ANO2: variants seen among roughly 807,000 people sequenced by gnomAD.
ANO2 encodes the protein anoctamin-2.
ANO2 carries 101 observed loss-of-function variants against 124.2 expected under a neutral mutation model. The ratio of observed to expected loss-of-function variants is 0.81; its 90% CI spans 0.69 to 0.96. The LOEUF (loss-of-function observed/expected upper bound fraction) is 0.96, where lower values mean the gene tolerates loss of function less well. ANO2 is among the 40% of genes least tolerant of loss of function. The pLI is 0.00. For missense variants in ANO2, 1,293 were observed against 1,274.5 expected, an observed-to-expected ratio of 1.01 and a Z score of -0.22; for synonymous variants, 486 against 482.5, an observed-to-expected ratio of 1.01 and a Z score of -0.09.
At chr12:5,759,721 C>T (rs1951685338) in intron 10 of ANO2, among the ~76,000 whole-genome samples, 1 of 151,344 alleles carries the variant, frequency 6.6e-6, no homozygotes, top group Admixed American at 6.6e-5. Context: ...AATTATCTTC[C>T]ACGAAACTGA....
chr12:5,580,061 A>G (rs1158842101), intron 20 of ANO2, among the ~76,000 whole-genome samples: 11 of 152,266 alleles, frequency 7.2e-5, no homozygotes, highest in Non-Finnish European at 1.3e-4. Context: ...GGTTCAGTAC[A>G]TATTTGCTGA....
At chr12:5,876,759 A>C (rs995801398) in intron 3 of ANO2, among the ~76,000 whole-genome samples, 2 of 152,194 alleles carry the variant, frequency 1.3e-5, no homozygotes, top group Admixed American at 1.3e-4. Context: ...GTTCTCACTC[A>C]TAAGTGGGAG....
intron 20 of ANO2, among the ~76,000 whole-genome samples, chr12:5,592,866 C>T (rs1009208341): frequency 1.1e-4 from 16 of 152,192 alleles, no homozygotes; most frequent in African/African-American, 3.9e-4. Context: ...AGTCCACAGG[C>T]GTTCCTCCTG....
intron 14 of ANO2, among the ~76,000 whole-genome samples, chr12:5,717,559 C>G (rs1219094694): frequency 6.6e-6 from 1 of 152,204 alleles, no homozygotes; most frequent in African/African-American, 2.4e-5. Context: ...ACGTAAGTAA[C>G]TTAACATCCT....
chr12:5,691,277 G>A lies in ANO2; in HGVS notation c.1545+41243C>T, dbSNP rs536315152. On this transcript the variant is annotated intron_variant, in intron 14 of 24. Coordinates refer to ENST00000682330, the MANE Select transcript of ANO2 (RefSeq NM_001364791.2). ...TGGGAGGCGGAGGTTGCAGTGAGCCGAGATCGCACCATTGCACTCCAGCCT... is the reference window on the plus strand; with the variant it reads ...TGGGAGGCGGAGGTTGCAGTGAGCCAAGATCGCACCATTGCACTCCAGCCT... Among the ~76,000 whole-genome samples the A allele has an allele frequency of 9.4e-5, 13 of 138,192 alleles. No homozygotes were observed. In the East Asian group the frequency reaches 1.7e-3, roughly 18 times the overall value. The allele number at this position is 138,192 out of a possible 152,430, so 90.7% of individuals were successfully genotyped here. A position where few individuals can be genotyped will look rare whatever the true frequency, so the allele number is the denominator to read the frequency against.
intron 14 of ANO2, among the ~76,000 whole-genome samples, chr12:5,717,691 C>G (rs759885629): frequency 2.0e-4 from 31 of 152,114 alleles, no homozygotes; most frequent in Non-Finnish European, 2.2e-4. Flanking sequence ...GGAATGACAG[C>G]GCATCATTCT....
chr12:5,640,259 G>C (rs1294669491), intron 15 of ANO2, among the ~76,000 whole-genome samples: 1 of 152,186 alleles, frequency 6.6e-6, no homozygotes. Flanking sequence ...CTAGGTTCAA[G>C]CACAGGGGTG....
chr12:5,572,929 A>G (rs1232421853), intron 23 of ANO2, among the ~76,000 whole-genome samples: 1 of 152,190 alleles, frequency 6.6e-6, no homozygotes, highest in African/African-American at 2.4e-5. Flanking sequence ...GACAACTATC[A>G]GAGCCTTATA....
At chr12:5,638,237 C>CTTTCTTTTT (rs1946127442) in intron 15 of ANO2, among the ~76,000 whole-genome samples, 2 of 124,868 alleles carry the variant, frequency 1.6e-5, no homozygotes, top group South Asian at 2.7e-4. Flanking sequence ...GTTTCTTTTC[C>CTTTCTTTTT]TTTTTTTTTT....
intron 1 of ANO2, among the ~76,000 whole-genome samples, chr12:5,928,652 T>G (rs1258829092): frequency 2.8e-5 from 4 of 142,576 alleles, no homozygotes; most frequent in Admixed American, 2.7e-4. Context: ...TTACCAGTCT[T>G]CCTTCCTTAC....
Position 5,631,848 on chromosome 12 carries a change from A to G in ANO2, c.1816+3304T>C, listed in dbSNP as rs116983328. ...TAGCTGAGAGCTTGAAATGCTAACTATAGGTGCTCTAGGACCAAGGGAAGC... is the reference window on the plus strand; with the variant it reads ...TAGCTGAGAGCTTGAAATGCTAACTGTAGGTGCTCTAGGACCAAGGGAAGC... On this transcript the variant is annotated intron_variant, in intron 16 of 24. Transcript: ENST00000682330. 4.7e-4 allele frequency among the ~76,000 whole-genome samples: 72 copies of G among 152,212 alleles called. No individual in the cohort carries two copies. The East Asian group carries it at 0.012, about 25-fold the overall frequency.
chr12:5,886,332 G>A (rs1347779292), intron 3 of ANO2, among the ~76,000 whole-genome samples: 2 of 152,168 alleles, frequency 1.3e-5, no homozygotes, highest in African/African-American at 2.4e-5. Flanking sequence ...TTGTGACATC[G>A]ATGAGCCTGG....
At chr12:5,884,254 G>A (rs1410052183) in intron 3 of ANO2, among the ~76,000 whole-genome samples, 1 of 152,186 alleles carries the variant, frequency 6.6e-6, no homozygotes, top group African/African-American at 2.4e-5. Flanking sequence ...ATGAGAAGAG[G>A]ATGAAATTAC....
intron 12 of ANO2, among the ~76,000 whole-genome samples, chr12:5,742,164 C>T (rs1297813271): frequency 6.6e-6 from 1 of 152,190 alleles, no homozygotes; most frequent in Admixed American, 6.5e-5. Context: ...CCAAGTCTCT[C>T]TCTATGTACA....
chr12:5,579,549 G>C (rs1158770151), intron 20 of ANO2, among the ~76,000 whole-genome samples: 1 of 152,164 alleles, frequency 6.6e-6, no homozygotes, highest in Non-Finnish European at 1.5e-5. Context: ...CATTGCAACA[G>C]CCTCCTGACG....
At position 5,908,925 on chromosome 12, in the gene ANO2, T is replaced by G. The variant is rs1458901705; in HGVS notation, c.534+12115A>C. 2.0e-5 allele frequency among the ~76,000 whole-genome samples: 3 copies of G among 152,154 alleles called. No homozygotes were observed. In the East Asian group the frequency reaches 5.8e-4, roughly 29 times the overall value. ...ATCTCCTCTGGAGAATGGCCTTCAC[T>G]CCACACAGAATCATGAGTCCACTCA... On this transcript the variant is annotated intron_variant, in intron 3 of 24. Coordinates refer to ENST00000682330, the MANE Select transcript of ANO2 (RefSeq NM_001364791.2). This position sits in a 1 kb window ranked among gnomAD's most constrained non-coding sequence, Gnocchi z 4.7.
chr12:5,783,885 C>T (rs1054228308), intron 10 of ANO2, among the ~76,000 whole-genome samples: 40 of 152,178 alleles, frequency 2.6e-4, no homozygotes, highest in African/African-American at 4.3e-4. Flanking sequence ...GCACTGGCTA[C>T]GACCTAATTC....
rs910377696 is a variant in ANO2, at chr12:5,923,081, T to C, written c.23-277A>G. Among the ~76,000 whole-genome samples the C allele has an allele frequency of 5.9e-4, 13 of 21,884 alleles. 2 individuals carry two copies. Among genetic ancestry groups the C allele is most frequent in the African/African-American group, 1.4e-3 (13 of 9,368 alleles). 14.4% of individuals were successfully genotyped at this position (21,884 alleles called of 152,430 possible). ...CCACATACACACACACATGCACACATACACACACACACGCACACACATACA... is the reference window on the plus strand; with the variant it reads ...CCACATACACACACACATGCACACACACACACACACACGCACACACATACA... On this transcript the variant is annotated intron_variant, in intron 1 of 24. Coordinates refer to ENST00000682330, the MANE Select transcript of ANO2 (RefSeq NM_001364791.2).
At chr12:5,640,598 T>C (rs1003712280) in intron 15 of ANO2, among the ~76,000 whole-genome samples, 12 of 152,160 alleles carry the variant, frequency 7.9e-5, no homozygotes, top group African/African-American at 2.9e-4. Flanking sequence ...AGAAGACATT[T>C]ATGCAGCCAA....
Sources: gnomAD v4.1 joint callset for allele counts (sites outside exome capture counted in the v4.1 genomes callset) on GRCh38, gnomAD v4.1.1 for gene constraint, Gnocchi (gnomAD v3.1) non-coding constraint, MANE v1.5 for transcripts, NCBI Gene and HGNC (gene_info 2026-07-23, HGNC 2026-07-21) for gene names.